MAN2B1: variants seen among roughly 807,000 people sequenced by gnomAD.
MAN2B1 encodes the protein mannosidase alpha class 2B member 1.
MAN2B1 carries 99 observed loss-of-function variants against 127.5 expected under a neutral mutation model. The ratio of observed to expected loss-of-function variants is 0.78; its 90% confidence interval spans 0.66 to 0.92. The LOEUF (loss-of-function observed/expected upper bound fraction) is 0.92, where lower values mean the gene tolerates loss of function less well. Among genes scored for constraint, MAN2B1 ranks in the 40% least tolerant of loss-of-function variants. The probability of loss-of-function intolerance (pLI) is 0.00; values close to 1 mark genes in which losing one functional copy is unlikely to be tolerated. For synonymous variants in MAN2B1, 573 were observed against 568.8 expected, an observed-to-expected ratio of 1.01 and a Z score of -0.11; for missense variants, 1,304 against 1,384.8, an observed-to-expected ratio of 0.94 and a Z score of 0.93.
rs956909161 is a variant in MAN2B1, at chr19:12,655,747, G to A, written c.1777C>T (p.Pro593Ser). 6.2e-6 allele frequency: 10 copies of A among 1,609,458 alleles called. No individual in the cohort carries two copies. Among genetic ancestry groups the A allele is most frequent in the African/African-American group, 1.3e-5 (1 of 74,862 alleles). The change falls in exon 14 of 24, where the codon CCA becomes TCA. Residue 593 changes from proline to serine, a missense_variant. By Grantham distance (74) the Pro-to-Ser change is moderately conservative (BLOSUM62 -1). Coordinates refer to ENST00000456935, the MANE Select transcript of MAN2B1 (RefSeq NM_000528.4). The stretch of plus-strand genomic sequence containing the variant: ...CAGGATCTTCTGGGGATGGGCTGTG[G>A]TGCGCGGGCCTGGGGCTTCCAGCGA... ...VPRWKPQARA[P>S]QPIPRRSWSP...
intron 14 of MAN2B1, among the ~76,000 whole-genome samples, chr19:12,653,259 G>T (rs1464525795): frequency 6.7e-6 from 1 of 149,568 alleles, no homozygotes. Flanking sequence ...CAATTCTCCT[G>T]ACTCAGCCTC....
chr19:12,648,070 T>G, intron 21 of MAN2B1, 105 bp downstream of exon 21: 1 of 1,219,492 alleles, frequency 8.2e-7, no homozygotes, highest in Non-Finnish European at 1.2e-6. Flanking sequence ...TTGGGGCTAA[T>G]TATGGCCAAA....
At chr19:12,655,615 G>C in intron 14 of MAN2B1, 79 bp downstream of exon 14, 1 of 1,456,578 alleles carries the variant, frequency 6.9e-7, no homozygotes, top group Non-Finnish European at 9.4e-7. Flanking sequence ...GGGACCTGCT[G>C]ACCCAGAGTC....
chr19:12,648,136 T>A (rs1436671952), intron 21 of MAN2B1, 39 bp downstream of exon 21: 1 of 1,513,728 alleles, frequency 6.6e-7, no homozygotes, highest in East Asian at 2.5e-5. Flanking sequence ...CCTGGTAGAC[T>A]TCAATCCGGT....
rs2024151949 is a variant in MAN2B1 at position 12,663,329 on chromosome 19, C to CA, written c.896dup (p.Ala300GlyfsTer24). The stretch of plus-strand genomic sequence containing the variant: ...ACACCAGGGTTACCTGGGCAGTGGC[C>CA]ACATTTAGGAAGTAATCGACCAGCT... On this transcript the variant is annotated frameshift_variant, in exon 6 of 24. Transcript: ENST00000456935. LOFTEE classifies it high-confidence loss of function. 6.2e-7 allele frequency: 1 copy of CA among 1,614,146 alleles called. No homozygotes were observed. The highest frequency in any genetic ancestry group is 8.5e-7 in the Non-Finnish European group (1 of 1,180,034).
intron 11 of MAN2B1, 98 bp from the exon 12 acceptor site, chr19:12,657,154 C>T (rs1458709096): frequency 1.3e-5 from 10 of 792,060 alleles, no homozygotes; most frequent in Non-Finnish European, 1.9e-5. Flanking sequence ...TGTCCCGCCT[C>T]CCTCAAGAGT....
At chr19:12,660,974 G>A (rs990972505) in intron 7 of MAN2B1, 3 of 371,258 alleles carry the variant, frequency 8.1e-6, no homozygotes, top group African/African-American at 6.3e-5. Context: ...GGTCAGGCTG[G>A]TCTCGAATTC....
At chr19:12,658,002 G>A (rs2024011853) in intron 10 of MAN2B1, 61 bp downstream of exon 10, 1 of 1,271,972 alleles carries the variant, frequency 7.9e-7, no homozygotes, top group Non-Finnish European at 1.1e-6. Context: ...GAGGGGGGCG[G>A]CCTAGGGGTG....
chr19:12,666,642 G>A lies in MAN2B1; in HGVS notation c.60C>T (p.Gly20=), dbSNP rs754783943. 9 of 1,554,066 alleles carry A rather than the reference G, an allele frequency of 5.8e-6. No individual in the cohort carries two copies. The highest frequency in any genetic ancestry group is 1.2e-5 in the South Asian group (1 of 84,506). Residue 20 remains glycine (G), a synonymous_variant, in exon 1 of 24, where the codon GGC becomes GGT. Coordinates refer to ENST00000456935, the MANE Select transcript of MAN2B1 (RefSeq NM_000528.4). ...GCAGGGCGCGGGACATGGTCCAGGG[G>A]CCTGCTGAGTCCAGGCAGCCGCGAG... ...VCARGCLDSA[G]PWTMSRALRP...
At chr19:12,665,970 C>T (rs575981678) in intron 1 of MAN2B1, 165 bp from the exon 2 acceptor site, 2 of 688,346 alleles carry the variant, frequency 2.9e-6, no homozygotes, top group South Asian at 1.5e-5. Context: ...CATAGTTGTG[C>T]TCATAGATAC....
chr19:12,652,983 G>GCCA (rs1227702710), intron 14 of MAN2B1, among the ~76,000 whole-genome samples: 2 of 151,532 alleles, frequency 1.3e-5, no homozygotes, highest in African/African-American at 4.9e-5. Flanking sequence ...ACAGGCACAT[G>GCCA]CCACCATGCC....
rs1423262942 is a variant in MAN2B1 at position 12,665,337 on chromosome 19, T to C, written c.436+15A>G. 1 of 1,602,232 alleles carries C rather than the reference T, an allele frequency of 6.2e-7. No individual in the cohort carries two copies. The highest frequency in any genetic ancestry group is 8.5e-7 in the Non-Finnish European group (1 of 1,179,922). On this transcript the variant is annotated intron_variant, in intron 3 of 23. Coordinates refer to ENST00000456935, the MANE Select transcript of MAN2B1 (RefSeq NM_000528.4). Reference sequence around the variant, plus strand: ...GGCTGGGCTTCCTCTTTTCACTTCCTTGGGGTAGGCTCACCCTGGCGCACA... The same window carrying C: ...GGCTGGGCTTCCTCTTTTCACTTCCCTGGGGTAGGCTCACCCTGGCGCACA...
chr19:12,664,838 A>G lies in MAN2B1; in HGVS notation c.584T>C (p.Ile195Thr), dbSNP rs1297346562. The change falls in exon 4 of 24, where the codon ATT becomes ACT. Residue 195 changes from isoleucine (I) to threonine (T), a missense_variant. Ile to Thr is a moderately conservative substitution (Grantham distance 89, BLOSUM62 -1). Coordinates refer to ENST00000456935, the MANE Select transcript of MAN2B1 (RefSeq NM_000528.4). The part of the protein sequence containing the change: ...NDGRPRVAWH[I>T]DPFGHSREQA... Reference sequence around the variant, plus strand: ...CTCCCGAGAGTGGCCGAAGGGGTCAATGTGCCAGGCCACACGGGGTCGCCC... The same window carrying G: ...CTCCCGAGAGTGGCCGAAGGGGTCAGTGTGCCAGGCCACACGGGGTCGCCC... The G allele has an allele frequency of 2.5e-6, 4 of 1,613,882 alleles. No homozygotes were observed. Among genetic ancestry groups the G allele is most frequent in the African/African-American group, 1.3e-5 (1 of 74,946 alleles).
rs2024251075 is a variant in MAN2B1, at chr19:12,666,583, A to C, written c.119T>G (p.Leu40Trp). Reference sequence around the variant, plus strand: ...CCGAGCACCGGCAGCCGCCAGCAACAAAAGGAAAAAGCAGAGAGGCGGGAG... The same window carrying C: ...CCGAGCACCGGCAGCCGCCAGCAACCAAAGGAAAAAGCAGAGAGGCGGGAG... ...PPLPPLCFFL[L>W]LLAAAGARAG... is the part of the protein sequence containing the mutation. Residue 40 changes from leucine to tryptophan, a missense_variant, in exon 1 of 24, where the codon TTG (leucine) becomes TGG (tryptophan). Physicochemically the swap from Leu to Trp is moderately conservative, Grantham distance 61. Transcript: ENST00000456935. The C allele has an allele frequency of 1.3e-6, 2 of 1,587,140 alleles. No homozygotes were observed. Among genetic ancestry groups the C allele is most frequent in the Non-Finnish European group, 8.6e-7 (1 of 1,166,970 alleles).
intron 20 of MAN2B1, among the ~76,000 whole-genome samples, chr19:12,648,617 G>C (rs956458188): frequency 1.3e-5 from 2 of 152,188 alleles, no homozygotes; most frequent in African/African-American, 4.8e-5. Context: ...TGCCTAACAG[G>C]GGGGCCTGGA....
rs1376903863 is a variant in MAN2B1 at position 12,646,712 on chromosome 19, G to A, written c.2944C>T (p.Pro982Ser). The A allele has an allele frequency of 1.2e-6, 2 of 1,614,036 alleles. No individual in the cohort carries two copies. The highest frequency in any genetic ancestry group is 2.2e-5 in the South Asian group (2 of 91,072). ...ATGTTGGCCGGGTCCAGCTGGTACG[G>A]AGTTTGGTGGGGTGTGGGGCCTGGA... ...TNTGPTPHQT[P>S]YQLDPANITL... Residue 982 changes from proline to serine, a missense_variant, in exon 24 of 24, where the codon CCG (proline) becomes TCG (serine). By Grantham distance (74) the Pro-to-Ser change is moderately conservative. Coordinates refer to ENST00000456935, the MANE Select transcript of MAN2B1 (RefSeq NM_000528.4).
chr19:12,648,121 G>A, intron 21 of MAN2B1, 54 bp downstream of exon 21: 2 of 1,487,124 alleles, frequency 1.3e-6, no homozygotes, highest in East Asian at 2.5e-5. Context: ...ACCCAAACCC[G>A]GCTCCCTGGT....
At chr19:12,656,781 G>A (rs2023971663) in intron 12 of MAN2B1, 94 bp from the exon 13 acceptor site, 11 of 1,122,096 alleles carry the variant, frequency 9.8e-6, no homozygotes, top group Non-Finnish European at 1.5e-5. Context: ...TGGTCCTAGT[G>A]TGGTCACGGC....
rs1159688563 is a variant in MAN2B1, at chr19:12,657,036, C to T, written c.1440G>A (p.Leu480=). 1.9e-6 allele frequency: 3 copies of T among 1,611,372 alleles called. No homozygotes were observed. The highest frequency in any genetic ancestry group is 2.2e-5 in the East Asian group (1 of 44,842). The change falls in exon 12 of 24, where the codon CTG becomes CTA. Residue 480 remains leucine (L), a synonymous_variant. Transcript: ENST00000456935. The part of the protein sequence containing the change: ...GPCEVLLSNA[L]ARLRGFKDHF... ...GATCTTTGAAGCCTCTGAGCCGCGC[C>T]AGCGCGTTGCTCAGAAGAACCTGCG...
Sources: gnomAD v4.1 joint callset for allele counts (sites outside exome capture counted in the v4.1 genomes callset) on GRCh38, gnomAD v4.1.1 for gene constraint, MANE v1.5 for transcripts, NCBI Gene and HGNC (gene_info 2026-07-23, HGNC 2026-07-21) for gene names.